COL22A1: variants seen among roughly 807,000 people sequenced by gnomAD.
COL22A1 encodes collagen alpha-1(XXII) chain.
Under a neutral mutation model 248.9 loss-of-function variants are expected in COL22A1, and 221 were observed. That is an observed-to-expected ratio of 0.89 (90% CI 0.80 to 0.99). COL22A1 has a LOEUF of 0.99. Among genes scored for constraint, COL22A1 ranks in the 50% least tolerant of loss-of-function variants. COL22A1 has a pLI of 0.00. For synonymous variants in COL22A1, 891 were observed against 793.4 expected, an observed-to-expected ratio of 1.12 and a Z score of -2.07; for missense variants, 2,240 against 2,179.0, an observed-to-expected ratio of 1.03 and a Z score of -0.56.
chr8:138,642,281 CTTG>C (rs1360671795), intron 47 of COL22A1, among the ~76,000 whole-genome samples: 1 of 152,182 alleles, frequency 6.6e-6, no homozygotes, highest in Non-Finnish European at 1.5e-5. Flanking sequence ...GGCATTTAAT[CTTG>C]TTAAACCTTA....
rs1484738434 is a variant in COL22A1, at chr8:138,619,314, CA to C, written c.3825+140del. 7.3e-6 allele frequency: 5 copies of C among 683,942 alleles called. No homozygotes were observed. In the Admixed American group the frequency reaches 9.9e-5, roughly 14 times the overall value. The allele number at this position is 683,942 out of a possible 1,614,324, so 42.4% of individuals were successfully genotyped here. A position where few individuals can be genotyped will look rare whatever the true frequency, so the allele number is the denominator to read the frequency against. On this transcript the variant is annotated intron_variant, in intron 53 of 64. Transcript: ENST00000303045. ...TAGTGTGGCAAAGCTGAATTGACCG[CA>C]CAGAAGCACAGCCGTCTGGAGGAGA...
At chr8:138,660,856 A>T (rs1823793525) in intron 43 of COL22A1, among the ~76,000 whole-genome samples, 1 of 133,598 alleles carries the variant, frequency 7.5e-6, no homozygotes, top group Non-Finnish European at 1.7e-5. Context: ...ACACACATAC[A>T]CAGACACACA....
rs1236603066 is a variant in COL22A1, at chr8:138,663,685, T to C, written c.3186+20A>G. 5 of 1,589,424 alleles carry C rather than the reference T, an allele frequency of 3.1e-6. No homozygotes were observed. The highest frequency in any genetic ancestry group is 1.7e-4 in the Middle Eastern group (1 of 6,020). On this transcript the variant is annotated intron_variant, in intron 42 of 64. Coordinates refer to ENST00000303045, the MANE Select transcript of COL22A1 (RefSeq NM_152888.3). ...ATTCCTCCCATAGAAACTCATCCCTTTATTTAAAGCATACTGTACCGGGGA... is the reference window on the plus strand; with the variant it reads ...ATTCCTCCCATAGAAACTCATCCCTCTATTTAAAGCATACTGTACCGGGGA...
intron 61 of COL22A1, among the ~76,000 whole-genome samples, chr8:138,597,839 A>C (rs1817665970): frequency 6.6e-6 from 1 of 152,174 alleles, no homozygotes; most frequent in South Asian, 2.1e-4. Context: ...AGGGCTTTGG[A>C]AGTCAGCTGA....
Position 138,589,215 on chromosome 8 carries a change from C to G in COL22A1, c.*38G>C. ...CCCACTGGGCTCTGAGTTCAAGTTT[C>G]AGAAATCCACTGCAGTCTTCTGGCT... On this transcript the variant is annotated 3_prime_UTR_variant, in exon 65 of 65. Coordinates refer to ENST00000303045, the MANE Select transcript of COL22A1 (RefSeq NM_152888.3). 1.9e-6 allele frequency: 3 copies of G among 1,601,448 alleles called. No individual in the cohort carries two copies. Among genetic ancestry groups the G allele is most frequent in the Non-Finnish European group, 2.6e-6 (3 of 1,172,758 alleles).
chr8:138,816,801 T>A (rs1005376902), intron 7 of COL22A1, among the ~76,000 whole-genome samples: 4 of 152,228 alleles, frequency 2.6e-5, no homozygotes, highest in African/African-American at 9.6e-5. Flanking sequence ...CAGCTGATGC[T>A]TCTGGAAGAT....
At chr8:138,821,490 A>T in intron 6 of COL22A1, 79 bp from the exon 7 acceptor site, 1 of 1,433,022 alleles carries the variant, frequency 7.0e-7, no homozygotes, top group Non-Finnish European at 9.7e-7. Flanking sequence ...GGGAGTTCAG[A>T]GTCAGACCTG....
chr8:138,642,004 T>C (rs184448394), intron 47 of COL22A1, among the ~76,000 whole-genome samples: 3 of 152,188 alleles, frequency 2.0e-5, no homozygotes, highest in South Asian at 2.1e-4. Flanking sequence ...AGAACCACAA[T>C]AGACTGAGTC....
chr8:138,773,108 A>G (rs958453132), intron 16 of COL22A1, among the ~76,000 whole-genome samples: 4 of 152,222 alleles, frequency 2.6e-5, no homozygotes, highest in Admixed American at 2.0e-4. Context: ...TGCACTTCAG[A>G]TTAGTGCTGT....
rs145361557 is a variant in COL22A1 at position 138,821,326 on chromosome 8, C to T, written c.1055G>A (p.Arg352Gln). The change falls in exon 7 of 65, where the codon CGA becomes CAA. Residue 352 changes from arginine (R) to glutamine (Q), a missense_variant. By Grantham distance (43) the Arg-to-Gln change is conservative (BLOSUM62 1). Transcript: ENST00000303045. ...AAAGAGGTCATTGACCCGAGAACCTCGGAAGACCACCCTGACAGCATCTTT... is the reference window on the plus strand; with the variant it reads ...AAAGAGGTCATTGACCCGAGAACCTTGGAAGACCACCCTGACAGCATCTTT... ...AMKDAVRVVF[R>Q]GSRVNDLFDR... The T allele has an allele frequency of 1.0e-3, 1,654 of 1,614,184 alleles. 5 individuals carry two copies. The highest frequency in any genetic ancestry group is 1.2e-3 in the Middle Eastern group (7 of 6,062).
Position 138,883,190 on chromosome 8 carries a change from G to T in COL22A1, c.-18C>A. Reference sequence around the variant, plus strand: ...CCGGCCATGGCTCTCCTGTTCTTGGGGACAGGCTTCTCTTGGCCAGGAAGA... The same window carrying T: ...CCGGCCATGGCTCTCCTGTTCTTGGTGACAGGCTTCTCTTGGCCAGGAAGA... On this transcript the variant is annotated 5_prime_UTR_variant, in exon 2 of 65. Transcript: ENST00000303045. 6.4e-7 allele frequency: 1 copy of T among 1,562,998 alleles called. No individual in the cohort carries two copies. The highest frequency in any genetic ancestry group is 8.7e-7 in the Non-Finnish European group (1 of 1,153,478).
Position 138,626,205 on chromosome 8 carries a change from T to C in COL22A1, c.3702A>G (p.Gly1234=), listed in dbSNP as rs1383210747. 6.2e-7 allele frequency: 1 copy of C among 1,606,198 alleles called. No individual in the cohort carries two copies. The highest frequency in any genetic ancestry group is 8.5e-7 in the Non-Finnish European group (1 of 1,177,560). ...AGCCACTTACTGGGATTCCGGGTAA[T>C]CCAGATGGGCCTTGGGGGCCAGGAG... The part of the protein sequence containing the change: ...EGPPGPQGPS[G]LPGIPGEEGK... Residue 1234 remains glycine (G), a synonymous_variant, in exon 51 of 65, where the codon GGA becomes GGG. Coordinates refer to ENST00000303045, the MANE Select transcript of COL22A1 (RefSeq NM_152888.3).
At chr8:138,843,429 C>T (rs1021886024) in intron 4 of COL22A1, among the ~76,000 whole-genome samples, 20 of 152,176 alleles carry the variant, frequency 1.3e-4, no homozygotes, top group African/African-American at 3.9e-4. Flanking sequence ...GGCTGCTGTT[C>T]TGCAGTGGCT....
chr8:138,751,465 C>G lies in COL22A1; in HGVS notation c.2078G>C (p.Gly693Ala), dbSNP rs756952149. ...EGRDGPPGLQ[G>A]LRGKKGDMGP... ...AAAAGAGAGTTTACTTACTCGGAGA[C>G]CTTGCAAACCAGGAGGTCCATCCCT... The change falls in exon 22 of 65, where the codon GGT becomes GCT. Residue 693 changes from glycine (G) to alanine (A), a missense_variant. Gly to Ala is a moderately conservative substitution (Grantham distance 60). Transcript: ENST00000303045. The G allele has an allele frequency of 6.2e-7, 1 of 1,610,798 alleles. No individual in the cohort carries two copies. The highest frequency in any genetic ancestry group is 1.3e-5 in the African/African-American group (1 of 74,742).
chr8:138,703,929 T>C (rs1292498508), intron 30 of COL22A1, among the ~76,000 whole-genome samples: 1 of 152,216 alleles, frequency 6.6e-6, no homozygotes, highest in East Asian at 1.9e-4. Context: ...CCCACCCTAA[T>C]ACTGTGCTTT....
At chr8:138,694,260 C>T (rs998746434) in intron 34 of COL22A1, among the ~76,000 whole-genome samples, 17 of 152,350 alleles carry the variant, frequency 1.1e-4, no homozygotes, top group African/African-American at 3.6e-4. Flanking sequence ...ACCTGCAGCT[C>T]ACCTACACCA....
At chr8:138,844,721 C>T (rs930189271) in intron 3 of COL22A1, among the ~76,000 whole-genome samples, 2 of 151,972 alleles carry the variant, frequency 1.3e-5, no homozygotes, top group Admixed American at 6.6e-5. Context: ...GAGGCCGAGG[C>T]GGGCGGATCA....
intron 58 of COL22A1, among the ~76,000 whole-genome samples, chr8:138,605,895 T>A (rs117492080): frequency 6.2e-4 from 95 of 152,316 alleles, no homozygotes; most frequent in East Asian, 4.2e-3. Context: ...ATCACTTACA[T>A]GTTCTGACCC....
At chr8:138,775,025 A>G (rs1380392568) in intron 16 of COL22A1, among the ~76,000 whole-genome samples, 2 of 152,222 alleles carry the variant, frequency 1.3e-5, no homozygotes, top group South Asian at 4.1e-4. Context: ...ATGTTTCACT[A>G]TCTTTCAAAT....
Sources: allele counts gnomAD v4.1 joint callset (sites outside exome capture counted in the v4.1 genomes callset), GRCh38; gene constraint gnomAD v4.1.1; transcripts MANE v1.5; gene names NCBI Gene and HGNC (gene_info 2026-07-23, HGNC 2026-07-21).